The following ZNF215 variants were observed in gnomAD, a reference collection of about 807,000 sequenced individuals.
ZNF215 encodes BWSCR2-associated zinc finger protein 2.
Under a neutral mutation model 27.2 loss-of-function variants are expected in ZNF215, and 24 were observed. The observed-to-expected ratio is 0.88, with a 90% CI of 0.64 to 1.24. ZNF215 has a LOEUF of 1.24. Ranked by LOEUF, ZNF215 falls within the 50% of genes most tolerant of loss-of-function variation. The pLI is 0.00. For synonymous variants in ZNF215, 210 were observed against 204.0 expected (o/e 1.03, Z -0.25); for missense variants, 675 against 605.7 (o/e 1.11, Z -1.20).
downstream of ZNF215, among the ~76,000 whole-genome samples, chr11:6,986,071 A>T (rs1401444867): frequency 6.6e-6 from 1 of 152,160 alleles, no homozygotes; most frequent in Non-Finnish European, 1.5e-5. Flanking sequence ...TATCCAAAGC[A>T]ATCCTAAGTA....
At chr11:6,943,029 T>G in intron 4 of ZNF215, 54 bp from the exon 5 acceptor site, 2 of 1,581,516 alleles carry the variant, frequency 1.3e-6, no homozygotes, top group Non-Finnish European at 1.7e-6. Context: ...ATTCCTTCTC[T>G]GGTAGTGTTT....
At chr11:6,961,576 G>A (rs1473182842), downstream of ZNF215, among the ~76,000 whole-genome samples, 1 of 152,086 alleles carries the variant, frequency 6.6e-6, no homozygotes, top group East Asian at 1.9e-4. Context: ...AATTGGTGCG[G>A]CAATTCTGCA....
At chr11:6,950,571 T>C (rs1420847621) in intron 6 of ZNF215, among the ~76,000 whole-genome samples, 113 of 151,568 alleles carry the variant, frequency 7.5e-4, no homozygotes, top group African/African-American at 2.6e-3. Flanking sequence ...GTGATTTTTG[T>C]ACATTGATTT....
chr11:6,932,702 T>G, intron 3 of ZNF215, 30 bp downstream of exon 3: 2 of 1,559,634 alleles, frequency 1.3e-6, no homozygotes, highest in South Asian at 2.4e-5. Flanking sequence ...AGAGGTAAAA[T>G]ACTTGACCTT....
chr11:6,936,289 C>T (rs945198863), intron 3 of ZNF215, among the ~76,000 whole-genome samples: 23 of 151,948 alleles, frequency 1.5e-4, no homozygotes, highest in African/African-American at 5.3e-4. Context: ...AAATTACTAA[C>T]ATCAGGAAAA....
At chr11:6,971,732 A>G (rs1193617974) in intron 5 of ZNF215, among the ~76,000 whole-genome samples, 2 of 152,182 alleles carry the variant, frequency 1.3e-5, no homozygotes, top group Non-Finnish European at 2.9e-5. Flanking sequence ...ATGGAATGAT[A>G]CTATAAGTTC....
At chr11:6,975,626 G>A (rs773399087) in intron 5 of ZNF215, among the ~76,000 whole-genome samples, 8 of 152,048 alleles carry the variant, frequency 5.3e-5, no homozygotes, top group Non-Finnish European at 8.8e-5. Flanking sequence ...TGTGATGTTC[G>A]TCTTTCTGTC....
At chr11:6,939,904 C>T (rs1031466522) in intron 3 of ZNF215, among the ~76,000 whole-genome samples, 1 of 152,050 alleles carries the variant, frequency 6.6e-6, no homozygotes, top group Non-Finnish European at 1.5e-5. Context: ...AGCAGATTGA[C>T]ATTCCACAAA....
At chr11:6,955,525 T>G (rs1389911556) in intron 6 of ZNF215, among the ~76,000 whole-genome samples, 165 bp from the exon 7 acceptor site, 4 of 152,240 alleles carry the variant, frequency 2.6e-5, no homozygotes, top group African/African-American at 7.2e-5. Context: ...TTTAACATTT[T>G]TGTACCATTT....
chr11:6,979,598 A>G (rs1850906063), intron 5 of ZNF215, among the ~76,000 whole-genome samples: 1 of 152,078 alleles, frequency 6.6e-6, no homozygotes, highest in Non-Finnish European at 1.5e-5. Flanking sequence ...TGATTTCCAC[A>G]TAACATCCAA....
intron 6 of ZNF215, among the ~76,000 whole-genome samples, chr11:6,949,575 C>T (rs139681343): frequency 4.6e-5 from 7 of 150,544 alleles, no homozygotes; most frequent in Non-Finnish European, 8.9e-5. Flanking sequence ...TTGTTGATGG[C>T]GTTGTTTGTT....
intron 5 of ZNF215, among the ~76,000 whole-genome samples, chr11:6,964,529 G>A (rs1202887067): frequency 6.6e-6 from 1 of 151,960 alleles, no homozygotes; most frequent in Non-Finnish European, 1.5e-5. Flanking sequence ...AATTACCTTT[G>A]AACATGTGTC....
At chr11:6,934,679 G>A (rs544568074) in intron 3 of ZNF215, among the ~76,000 whole-genome samples, 1 of 152,244 alleles carries the variant, frequency 6.6e-6, no homozygotes, top group African/African-American at 2.4e-5. Flanking sequence ...CACTGGAAAA[G>A]GTTCCTCACT....
chr11:6,983,509 A>G (rs939545438), intron 5 of ZNF215, among the ~76,000 whole-genome samples: 1 of 152,238 alleles, frequency 6.6e-6, no homozygotes, highest in East Asian at 1.9e-4. Flanking sequence ...AAAATCCTCA[A>G]TAAAATACTG....
intron 5 of ZNF215, among the ~76,000 whole-genome samples, chr11:6,968,451 CTTA>C (rs756750859): frequency 6.6e-6 from 1 of 150,774 alleles, no homozygotes. Context: ...TGTGTCCTAT[CTTA>C]TTATACATTT....
At chr11:6,934,703 G>A (rs953297278) in intron 3 of ZNF215, among the ~76,000 whole-genome samples, 1 of 152,158 alleles carries the variant, frequency 6.6e-6, no homozygotes, top group Admixed American at 6.5e-5. Flanking sequence ...CAGGATTCAT[G>A]TAATTAGGTT....
At chr11:6,932,769 C>G in intron 3 of ZNF215, 97 bp downstream of exon 3, 1 of 1,149,248 alleles carries the variant, frequency 8.7e-7, no homozygotes, top group South Asian at 1.6e-5. Context: ...AGTGCCAGAT[C>G]TTGAAGGACT....
At chr11:6,941,769 CTT>C (rs1405509320) in intron 4 of ZNF215, 116 bp downstream of exon 4, 1 of 1,065,040 alleles carries the variant, frequency 9.4e-7, no homozygotes, top group Admixed American at 2.2e-5. Flanking sequence ...GAACATGAGA[CTT>C]TTATTTTCCC....
chr11:6,984,489 C>G (rs1355894167), exon 6 of ZNF215: 1 of 152,996 alleles, frequency 6.5e-6, no homozygotes, highest in East Asian at 1.9e-4. Context: ...AGAAAATTCA[C>G]AAATGCACAC....
Sources: allele counts gnomAD v4.1 joint callset (sites outside exome capture counted in the v4.1 genomes callset), GRCh38; gene constraint gnomAD v4.1.1; transcripts MANE v1.5; gene names NCBI Gene and HGNC (gene_info 2026-07-23, HGNC 2026-07-21).